The following HLA-DQB1 variants were observed in gnomAD, a reference collection of about 807,000 sequenced individuals.
HLA-DQB1 encodes HLA class II histocompatibility antigen, DQ beta 1 chain.
A neutral mutation model predicts 26.4 loss-of-function variants in HLA-DQB1; 13 were observed. The observed-to-expected ratio is 0.49, with a 90% CI of 0.32 to 0.78. The LOEUF (loss-of-function observed/expected upper bound fraction) is 0.78. HLA-DQB1 is among the 30% of genes least tolerant of loss of function. HLA-DQB1 has a pLI of 0.03. For missense variants in HLA-DQB1, 158 were observed against 326.2 expected (o/e 0.48, Z 3.97); for synonymous variants, 60 against 129.1 (o/e 0.46, Z 3.63).
chr6:32,662,455 G>A (rs9274130), intron 2 of HLA-DQB1: 2 of 203,102 alleles, frequency 9.8e-6, no homozygotes, highest in African/African-American at 4.3e-5. Flanking sequence ...TGCATTTATA[G>A]AATGTGCAAT....
At chr6:32,660,381 C>T (rs1285658837) in intron 4 of HLA-DQB1, 132 bp from the exon 5 acceptor site, 6 of 465,432 alleles carry the variant, frequency 1.3e-5, no homozygotes, top group Non-Finnish European at 2.3e-5. Context: ...CATCACCTCC[C>T]CCAAGATCTG....
chr6:32,662,321 A>AT, intron 2 of HLA-DQB1, 73 bp from the exon 3 acceptor site: 3 of 699,190 alleles, frequency 4.3e-6, no homozygotes, highest in Non-Finnish European at 5.9e-6. Flanking sequence ...ACCATGAGGA[A>AT]GGATCCCTCC....
intron 2 of HLA-DQB1, chr6:32,663,338 A>G (rs1554167321): frequency 7.4e-6 from 1 of 135,010 alleles, no homozygotes; most frequent in East Asian, 2.1e-4. Context: ...GTGTAAAGCA[A>G]ACTAAAAGTT....
rs1046910300 is a variant in HLA-DQB1, at chr6:32,660,643, CCA to C, written c.773-396_773-395del. The C allele has an allele frequency of 3.8e-4, 154 of 410,296 alleles. 10 individuals carry two copies. The highest frequency in any genetic ancestry group is 2.4e-3 in the African/African-American group (118 of 49,092). The allele number at this position is 410,296 out of a possible 1,614,324, so 25.4% of individuals were successfully genotyped here. On this transcript the variant is annotated intron_variant, in intron 4 of 4. Transcript: ENST00000434651. Reference sequence around the variant, plus strand: ...TAACATTTAAGCTGTGGTTCTGGCTCCACATTTCACAAGAAGATGCCACCAAA... The same window carrying C: ...TAACATTTAAGCTGTGGTTCTGGCTCCATTTCACAAGAAGATGCCACCAAA...
intron 2 of HLA-DQB1, 86 bp from the exon 3 acceptor site, chr6:32,662,334 G>T: frequency 1.7e-6 from 1 of 578,978 alleles, no homozygotes; most frequent in Non-Finnish European, 2.5e-6. Flanking sequence ...ATCCCTCCTT[G>T]GACCAGAGTG....
In HLA-DQB1 at chr6:32,665,877, A is replaced by G. The variant is rs117337127; in HGVS notation, c.109+622T>C. 0.018 allele frequency among the ~76,000 whole-genome samples: 2,067 copies of G among 114,490 alleles called. 215 individuals carry two copies. The South Asian group carries it at 0.19, about 11-fold the overall frequency. 75.1% of individuals were successfully genotyped at this position (114,490 alleles called of 152,430 possible). A position where few individuals can be genotyped will look rare whatever the true frequency, so the allele number is the denominator to read the frequency against. Reference sequence around the variant, plus strand: ...ACAATATGTGTTATTTCCCTTCTTTACATCCTCCTTCCTACTAAATTCAGT... The same window carrying G: ...ACAATATGTGTTATTTCCCTTCTTTGCATCCTCCTTCCTACTAAATTCAGT... On this transcript the variant is annotated intron_variant, in intron 1 of 4. Coordinates refer to ENST00000434651, the Ensembl canonical transcript of HLA-DQB1.
intron 3 of HLA-DQB1, 134 bp downstream of exon 3, chr6:32,661,833 G>A: frequency 1.4e-6 from 1 of 735,830 alleles, no homozygotes; most frequent in Non-Finnish European, 2.2e-6. Flanking sequence ...ACTTGCCATG[G>A]AGCAAGAGGT....
chr6:32,662,594 TAACCCTTGATCA>T lies in HLA-DQB1; in HGVS notation c.380-358_380-347del, dbSNP rs1411202726. 5.8e-5 allele frequency: 5 copies of T among 85,708 alleles called. 1 individual carries two copies. The highest frequency in any genetic ancestry group is 2.5e-4 in the African/African-American group (5 of 20,176). The allele number at this position is 85,708 out of a possible 1,614,324, so 5.3% of individuals were successfully genotyped here. Reference sequence around the variant, plus strand: ...AAAGTAGGCAGGCCTTCAAAACAAATAACCCTTGATCAAACATCATGTTTGTCCACAACTCAA... The same window carrying T: ...AAAGTAGGCAGGCCTTCAAAACAAATAACATCATGTTTGTCCACAACTCAA... On this transcript the variant is annotated intron_variant, in intron 2 of 4. Coordinates refer to ENST00000434651, the Ensembl canonical transcript of HLA-DQB1.
chr6:32,661,693 C>G, intron 3 of HLA-DQB1: 1 of 430,330 alleles, frequency 2.3e-6, no homozygotes. Flanking sequence ...AACCTTAGAC[C>G]CTAAGATCCC....
Position 32,661,330 on chromosome 6 carries a change from C to T in HLA-DQB1, c.772+17G>A, listed in dbSNP as rs532523684. ...GGGTCACAGCCCATCTTCCCCTTTTCCCCTGGGGTTCCTCACCTTTCTGAC... is the reference window on the plus strand; with the variant it reads ...GGGTCACAGCCCATCTTCCCCTTTTTCCCTGGGGTTCCTCACCTTTCTGAC... On this transcript the variant is annotated intron_variant, in intron 4 of 4. Coordinates refer to ENST00000434651, the Ensembl canonical transcript of HLA-DQB1. 2.8e-4 allele frequency: 393 copies of T among 1,415,916 alleles called. 20 individuals carry two copies. The South Asian group carries it at 4.0e-3, about 14-fold the overall frequency. The allele number at this position is 1,415,916 out of a possible 1,614,324, so 87.7% of individuals were successfully genotyped here.
intron 4 of HLA-DQB1, chr6:32,660,768 AAC>A (rs1782900593): frequency 1.4e-6 from 1 of 716,184 alleles, no homozygotes; most frequent in Non-Finnish European, 2.3e-6. Flanking sequence ...ATAGGCCATG[AAC>A]ATGGACCACT....
At chr6:32,665,404 T>C (rs9274438) in intron 1 of HLA-DQB1, among the ~76,000 whole-genome samples, 62,308 of 126,540 alleles carry the variant, frequency 0.49, 18,566 homozygotes, top group Middle Eastern at 0.66. Flanking sequence ...ATCCCATTTT[T>C]CATGAAGCTC....
intron 2 of HLA-DQB1, 177 bp downstream of exon 2, chr6:32,664,621 C>T (rs281862225): frequency 3.1e-6 from 1 of 326,032 alleles, no homozygotes; most frequent in Non-Finnish European, 5.5e-6. Context: ...CCTGCTCTGC[C>T]CTAGGTCCCC....
chr6:32,664,976 C>T lies in HLA-DQB1; in HGVS notation c.201G>A (p.Glu67=), dbSNP rs9274402. Residue 67 remains glutamate, a synonymous_variant, in exon 2 of 5, where the codon GAG becomes GAA. Transcript: ENST00000434651. ...CGTCGCTGTCGAAGCGCGCGTACTCCTCTCGGTTATAGATGTATCTGGTCA... is the reference window on the plus strand; with the variant it reads ...CGTCGCTGTCGAAGCGCGCGTACTCTTCTCGGTTATAGATGTATCTGGTCA... The T allele has an allele frequency of 4.6e-3, 6,098 of 1,319,234 alleles. 449 individuals are homozygous for T. Among genetic ancestry groups the T allele is most frequent in the South Asian group, 8.3e-3 (668 of 80,416 alleles). The allele number at this position is 1,319,234 out of a possible 1,614,324, so 81.7% of individuals were successfully genotyped here.
intron 4 of HLA-DQB1, chr6:32,660,903 G>C (rs1430676990): frequency 5.3e-6 from 8 of 1,516,518 alleles, no homozygotes; most frequent in Non-Finnish European, 7.1e-6. Context: ...AAGTTATGCA[G>C]AGAAAGGTCT....
In HLA-DQB1 at chr6:32,664,776, A is replaced by T; in HGVS notation, c.379+22T>A. The T allele has an allele frequency of 2.6e-6, 2 of 772,842 alleles. 1 individual carries two copies. The highest frequency in any genetic ancestry group is 3.6e-6 in the Non-Finnish European group (2 of 559,344). The allele number at this position is 772,842 out of a possible 1,614,324, so 47.9% of individuals were successfully genotyped here. A position where few individuals can be genotyped will look rare whatever the true frequency, so the allele number is the denominator to read the frequency against. Reference sequence around the variant, plus strand: ...GGGGTCTCGGCCAAGGGTGGGCCTCACGGAGGGGCGACGACGCTCACCTCT... The same window carrying T: ...GGGGTCTCGGCCAAGGGTGGGCCTCTCGGAGGGGCGACGACGCTCACCTCT... On this transcript the variant is annotated intron_variant, in intron 2 of 4. Coordinates refer to ENST00000434651, the Ensembl canonical transcript of HLA-DQB1.
rs199987488 is a variant in HLA-DQB1, at chr6:32,665,856, TA to T, written c.109+642del. ...CTGTCTGAAGTGAGTGGTTTCACAA[TA>T]TGTGTTATTTCCCTTCTTTACATCC... On this transcript the variant is annotated intron_variant, in intron 1 of 4. Transcript: ENST00000434651. Among the ~76,000 whole-genome samples, 2,101 of 124,756 alleles carry T rather than the reference TA, an allele frequency of 0.017. 231 individuals are homozygous for T. The South Asian group carries it at 0.18, about 11-fold the overall frequency. 81.8% of individuals were successfully genotyped at this position (124,756 alleles called of 152,430 possible). A position where few individuals can be genotyped will look rare whatever the true frequency, so the allele number is the denominator to read the frequency against.
At chr6:32,659,923 A>G (rs6689) in exon 5 of HLA-DQB1, 50,239 of 201,714 alleles carry the variant, frequency 0.25, 7,360 homozygotes, top group South Asian at 0.27. Flanking sequence ...AAAAAGCTCT[A>G]AAGTCAGGTA....
At chr6:32,665,950 C>A in intron 1 of HLA-DQB1, among the ~76,000 whole-genome samples, 1 of 137,290 alleles carries the variant, frequency 7.3e-6, no homozygotes, top group Non-Finnish European at 1.6e-5. Flanking sequence ...ACCATTTGCC[C>A]ATAAATCAGT....
Sources: allele counts gnomAD v4.1 joint callset (sites outside exome capture counted in the v4.1 genomes callset), GRCh38; gene constraint gnomAD v4.1.1; transcripts MANE v1.5; gene names NCBI Gene and HGNC (gene_info 2026-07-23, HGNC 2026-07-21).